The following ABCA5 variants were observed in gnomAD, a reference collection of about 807,000 sequenced individuals.
ABCA5 encodes cholesterol transporter ABCA5.
In ABCA5, 163 loss-of-function variants were observed where a neutral mutation model predicts 206.0. That is an observed-to-expected ratio of 0.79 (90% CI 0.70 to 0.90). The LOEUF (loss-of-function observed/expected upper bound fraction) is 0.90. Ranked by LOEUF, ABCA5 falls within the 40% of genes least tolerant of loss-of-function variation. ABCA5 has a pLI of 0.00. For synonymous variants in ABCA5, 609 were observed against 613.8 expected (o/e 0.99, Z 0.11); for missense variants, 1,859 against 1,912.9 (o/e 0.97, Z 0.53).
At chr17:69,291,136 C>G (rs1307707754) in intron 12 of ABCA5, 80 bp downstream of exon 12, 1 of 821,604 alleles carries the variant, frequency 1.2e-6, no homozygotes. Flanking sequence ...AGAAGTTGGT[C>G]CCATTGACAA....
At position 69,313,116 on chromosome 17, in the gene ABCA5, C is replaced by A. The variant is rs1164450571; in HGVS notation, c.283G>T (p.Val95Leu). 1 of 1,610,328 alleles carries A rather than the reference C, an allele frequency of 6.2e-7. No individual in the cohort carries two copies. The highest frequency in any genetic ancestry group is 1.1e-5 in the South Asian group (1 of 90,388). ...TNITSSIMQK[V>L]STDHLPDVII... Reference sequence around the variant, plus strand: ...CCATCAGGTAGATGATCAGTAGACACTTTCTGCATGATGCTGCTTGTAATA... The same window carrying A: ...CCATCAGGTAGATGATCAGTAGACAATTTCTGCATGATGCTGCTTGTAATA... The change falls in exon 3 of 39, where the codon GTG (valine) becomes TTG (leucine). Residue 95 changes from valine (V) to leucine (L), a missense_variant. By Grantham distance (32) the Val-to-Leu change is conservative. Coordinates refer to ENST00000392676, the MANE Select transcript of ABCA5 (RefSeq NM_172232.4).
chr17:69,311,682 G>C (rs2075772100), intron 3 of ABCA5, among the ~76,000 whole-genome samples: 1 of 152,066 alleles, frequency 6.6e-6, no homozygotes, highest in South Asian at 2.1e-4. Flanking sequence ...AGTAGAGACA[G>C]GGTTTCACCA....
chr17:69,323,253 C>A (rs903761482), intron 1 of ABCA5, among the ~76,000 whole-genome samples: 1 of 152,172 alleles, frequency 6.6e-6, no homozygotes, highest in Non-Finnish European at 1.5e-5. Flanking sequence ...ACCATTACAT[C>A]CTTAATGTGA....
At chr17:69,292,576 G>T (rs2075540527) in intron 11 of ABCA5, among the ~76,000 whole-genome samples, 1 of 152,024 alleles carries the variant, frequency 6.6e-6, no homozygotes, top group Non-Finnish European at 1.5e-5. Flanking sequence ...TTTCCAATCT[G>T]GATGCCTTTT....
chr17:69,252,193 T>C (rs1456537702), intron 34 of ABCA5, among the ~76,000 whole-genome samples: 1 of 152,008 alleles, frequency 6.6e-6, no homozygotes, highest in East Asian at 1.9e-4. Flanking sequence ...TTTTTGTATT[T>C]TTAATAGAGA....
intron 24 of ABCA5, among the ~76,000 whole-genome samples, chr17:69,262,291 C>T (rs750985293): frequency 5.9e-5 from 9 of 152,108 alleles, no homozygotes; most frequent in Non-Finnish European, 8.8e-5. Context: ...CATGGGTATA[C>T]TGCATGATGC....
rs147524920 is a variant in ABCA5 at position 69,252,634 on chromosome 17, G to A, written c.4416-768C>T. Among the ~76,000 whole-genome samples the A allele has an allele frequency of 2.8e-3, 420 of 151,992 alleles. 7 individuals carry two copies. The highest frequency in any genetic ancestry group is 9.5e-3 in the African/African-American group (392 of 41,476). On this transcript the variant is annotated intron_variant, in intron 34 of 38. Transcript: ENST00000392676. ...GCGGATCACCTGAGGTCTGGAGTTC[G>A]GGACCAGCCTGGCCAACATGGTGAA...
At chr17:69,256,670 G>A (rs1277074106) in intron 28 of ABCA5, among the ~76,000 whole-genome samples, 2 of 151,630 alleles carry the variant, frequency 1.3e-5, no homozygotes, top group South Asian at 2.1e-4. Flanking sequence ...TGCCCAGGCT[G>A]GTCTCAAACT....
intron 23 of ABCA5, among the ~76,000 whole-genome samples, chr17:69,266,852 ATTTATTTAT>A (rs1452840053): frequency 6.7e-6 from 1 of 150,272 alleles, no homozygotes; most frequent in African/African-American, 2.4e-5. Context: ...ATTAGAATGT[ATTTATTTAT>A]TTTATTTATT....
chr17:69,319,582 AAC>A (rs2075846254), intron 1 of ABCA5, among the ~76,000 whole-genome samples: 1 of 152,174 alleles, frequency 6.6e-6, no homozygotes, highest in Admixed American at 6.5e-5. Flanking sequence ...TGGCAGAATT[AAC>A]TAAGAGACCC....
intron 13 of ABCA5, among the ~76,000 whole-genome samples, 198 bp from the exon 14 acceptor site, chr17:69,289,494 G>A (rs486840): frequency 0.31 from 46,819 of 151,876 alleles, 7,770 homozygotes; most frequent in East Asian, 0.56. Flanking sequence ...ATATAATTAT[G>A]AAAACAACAG....
chr17:69,295,029 T>C (rs1252118826), intron 10 of ABCA5, among the ~76,000 whole-genome samples: 1 of 152,174 alleles, frequency 6.6e-6, no homozygotes, highest in Non-Finnish European at 1.5e-5. Context: ...AACCGTTGTT[T>C]AGCATATATT....
chr17:69,255,692 C>A, intron 30 of ABCA5, 41 bp downstream of exon 30: 1 of 1,574,300 alleles, frequency 6.4e-7, no homozygotes, highest in East Asian at 2.3e-5. Context: ...GTAGAAATTA[C>A]TCTTCTAGAA....
chr17:69,258,513 T>C (rs998742464), intron 28 of ABCA5, among the ~76,000 whole-genome samples: 2 of 152,036 alleles, frequency 1.3e-5, no homozygotes, highest in African/African-American at 2.4e-5. Flanking sequence ...TGGATACACA[T>C]GAACATAAAC....
chr17:69,278,484 C>T (rs1229408581), intron 18 of ABCA5, among the ~76,000 whole-genome samples: 2 of 152,080 alleles, frequency 1.3e-5, no homozygotes, highest in African/African-American at 4.8e-5. Context: ...CAAATTCTGC[C>T]CTTCAACTTC....
In ABCA5 at chr17:69,309,321, T is replaced by C. The variant is rs371330830; in HGVS notation, c.410A>G (p.Tyr137Cys). ...CATATCAGGAAAAAAACGAAGTTCA[T>C]AGGACATGGAGTCTTTGAAAACCAC... Reference protein sequence around the residue: ...VGVVFKDSMSYELRFFPDMIP... With the variant: ...VGVVFKDSMSCELRFFPDMIP... The change falls in exon 4 of 39, where the codon TAT becomes TGT. Residue 137 changes from tyrosine (Y) to cysteine (C), a missense_variant. By Grantham distance (194) the Tyr-to-Cys change is radical. Coordinates refer to ENST00000392676, the MANE Select transcript of ABCA5 (RefSeq NM_172232.4). The C allele has an allele frequency of 4.4e-6, 7 of 1,603,148 alleles. No homozygotes were observed. Among genetic ancestry groups the C allele is most frequent in the African/African-American group, 4.0e-5 (3 of 74,278 alleles).
intron 23 of ABCA5, 140 bp from the exon 24 acceptor site, chr17:69,265,045 G>C: frequency 2.0e-6 from 1 of 491,098 alleles, no homozygotes; most frequent in Non-Finnish European, 3.3e-6. Flanking sequence ...GGTAATAAAA[G>C]TCCCCCTCAC....
chr17:69,274,513 C>T (rs2075309147), intron 19 of ABCA5, among the ~76,000 whole-genome samples: 1 of 150,798 alleles, frequency 6.6e-6, no homozygotes, highest in Admixed American at 6.6e-5. Flanking sequence ...TGTGAGCCAC[C>T]TTGACCAGCC....
intron 9 of ABCA5, 24 bp from the exon 10 acceptor site, chr17:69,297,383 T>C (rs1377336930): frequency 3.2e-6 from 5 of 1,566,130 alleles, no homozygotes; most frequent in Non-Finnish European, 4.3e-6. Flanking sequence ...ATTAAAAAAC[T>C]GAGTTACCAT....
Sources: gnomAD v4.1 joint callset for allele counts (sites outside exome capture counted in the v4.1 genomes callset) on GRCh38, gnomAD v4.1.1 for gene constraint, MANE v1.5 for transcripts, NCBI Gene and HGNC (gene_info 2026-07-23, HGNC 2026-07-21) for gene names.